PAK5: variants seen among roughly 807,000 people sequenced by gnomAD.
PAK5 encodes serine/threonine-protein kinase PAK 5.
In PAK5, 16 loss-of-function variants were observed where a neutral mutation model predicts 65.9. The observed-to-expected ratio is 0.24, with a 90% CI of 0.16 to 0.37. The LOEUF (loss-of-function observed/expected upper bound fraction) is 0.37. PAK5 is among the 10% of genes least tolerant of loss of function. PAK5 has a pLI of 1.00. For missense variants in PAK5, 785 were observed against 903.9 expected (o/e 0.87, Z 1.69); for synonymous variants, 371 against 354.9 (o/e 1.05, Z -0.51).
chr20:9,790,056 A>G (rs1045232692), intron 1 of PAK5, among the ~76,000 whole-genome samples: 38 of 152,284 alleles, frequency 2.5e-4, no homozygotes, highest in African/African-American at 9.1e-4. Context: ...ATTCTCCAGC[A>G]TCATCTACCC....
At chr20:9,602,120 G>A (rs2046371066) in intron 3 of PAK5, among the ~76,000 whole-genome samples, 1 of 151,624 alleles carries the variant, frequency 6.6e-6, no homozygotes, top group African/African-American at 2.4e-5. Context: ...GTGAAACCCC[G>A]TCTTTACTAA....
At chr20:9,646,153 C>T (rs1331986616) in intron 2 of PAK5, among the ~76,000 whole-genome samples, 2 of 152,214 alleles carry the variant, frequency 1.3e-5, no homozygotes, top group East Asian at 3.8e-4. Flanking sequence ...CTCTCACTCT[C>T]CCTTCTTTAC....
intron 1 of PAK5, among the ~76,000 whole-genome samples, chr20:9,718,447 A>ACAAT: frequency 2.0e-5 from 3 of 152,120 alleles, no homozygotes; most frequent in African/African-American, 7.2e-5. Flanking sequence ...TGTGAGTAGC[A>ACAAT]GGTTTGATAC....
intron 1 of PAK5, among the ~76,000 whole-genome samples, chr20:9,759,829 A>T (rs187464426): frequency 5.6e-4 from 85 of 152,304 alleles, no homozygotes; most frequent in African/African-American, 2.0e-3. Context: ...ATAAGACACC[A>T]GCAGACTATT....
intron 3 of PAK5, among the ~76,000 whole-genome samples, chr20:9,641,950 C>CG (rs1442829506): frequency 6.6e-6 from 1 of 151,828 alleles, no homozygotes; most frequent in Non-Finnish European, 1.5e-5. Context: ...CATGCAGCCC[C>CG]GGTTCCCACT....
chr20:9,800,821 A>G (rs377735942), intron 1 of PAK5, among the ~76,000 whole-genome samples: 1 of 151,810 alleles, frequency 6.6e-6, no homozygotes, highest in African/African-American at 2.4e-5. Context: ...CTCATCTACA[A>G]ATCTCCCCCA....
At chr20:9,837,548 T>C (rs1213115670) in intron 1 of PAK5, among the ~76,000 whole-genome samples, 1 of 152,220 alleles carries the variant, frequency 6.6e-6, no homozygotes, top group African/African-American at 2.4e-5. Context: ...GATACACAAA[T>C]CTAAGGTGGC....
intron 3 of PAK5, among the ~76,000 whole-genome samples, chr20:9,632,446 T>G (rs1470348610): frequency 6.6e-6 from 1 of 152,208 alleles, no homozygotes; most frequent in Non-Finnish European, 1.5e-5. Flanking sequence ...TATTTAAATA[T>G]TCTGCCTAAC....
chr20:9,580,277 G>A lies in PAK5; in HGVS notation c.858C>T (p.Ser286=). The A allele has an allele frequency of 6.2e-7, 1 of 1,614,130 alleles. No homozygotes were observed. The highest frequency in any genetic ancestry group is 8.5e-7 in the Non-Finnish European group (1 of 1,180,018). The change falls in exon 4 of 10, where the codon TCC becomes TCT. Residue 286 remains serine, a synonymous_variant. Coordinates refer to ENST00000353224, the MANE Select transcript of PAK5 (RefSeq NM_177990.4). ...TSPQPTMRQR[S]RSGSGLQEPM... ...GTTCCTGGAGTCCCGAGCCTGACCT[G>A]GACCTCTGCCGCATGGTGGGCTGAG...
intron 5 of PAK5, among the ~76,000 whole-genome samples, chr20:9,564,853 A>C (rs376307152): frequency 2.6e-5 from 4 of 152,206 alleles, no homozygotes. Flanking sequence ...GTGTTTTGAC[A>C]TGTAGCTAAT....
chr20:9,539,373 A>G lies in PAK5; in HGVS notation c.*89T>C. The G allele has an allele frequency of 7.7e-7, 1 of 1,300,430 alleles. No homozygotes were observed. The highest frequency in any genetic ancestry group is 1.1e-6 in the Non-Finnish European group (1 of 911,290). 80.6% of individuals were successfully genotyped at this position (1,300,430 alleles called of 1,614,324 possible). A position where few individuals can be genotyped will look rare whatever the true frequency, so the allele number is the denominator to read the frequency against. On this transcript the variant is annotated 3_prime_UTR_variant, in exon 10 of 10. Transcript: ENST00000353224. ...ACCAATTGGCTGGTCTAGAATGCACAGGCCTTTTGCATGTTCTGTGTTTCC... is the reference window on the plus strand; with the variant it reads ...ACCAATTGGCTGGTCTAGAATGCACGGGCCTTTTGCATGTTCTGTGTTTCC...
At chr20:9,832,334 G>C (rs1454550295) in intron 1 of PAK5, among the ~76,000 whole-genome samples, 1 of 151,916 alleles carries the variant, frequency 6.6e-6, no homozygotes, top group East Asian at 1.9e-4. Flanking sequence ...GTGCAGTAAC[G>C]CGATCTCGGC....
chr20:9,786,237 G>T (rs186219756), intron 1 of PAK5, among the ~76,000 whole-genome samples: 1 of 152,010 alleles, frequency 6.6e-6, no homozygotes, highest in Non-Finnish European at 1.5e-5. Context: ...TGGAAGGGAG[G>T]CTGGGAAGTT....
intron 3 of PAK5, among the ~76,000 whole-genome samples, chr20:9,622,552 A>G (rs1435437975): frequency 6.6e-6 from 1 of 152,248 alleles, no homozygotes; most frequent in East Asian, 1.9e-4. Context: ...TCATGGACCC[A>G]TACCCGGAGT....
In PAK5 at chr20:9,580,303, G is replaced by C. The variant is rs2045954894; in HGVS notation, c.832C>G (p.Pro278Ala). The C allele has an allele frequency of 6.2e-7, 1 of 1,614,106 alleles. No homozygotes were observed. The highest frequency in any genetic ancestry group is 1.1e-5 in the South Asian group (1 of 91,080). The change falls in exon 4 of 10, where the codon CCT (proline) becomes GCT (alanine). Residue 278 changes from proline (P) to alanine (A), a missense_variant. Around this residue, in one of 4 missense-constraint regions of PAK5, gnomAD observed 422 missense variants for 413.3 expected, o/e 1.02. Transcript: ENST00000353224. ...PKSSYLNQTS[P>A]QPTMRQRSRS... is the part of the protein sequence containing the mutation. Reference sequence around the variant, plus strand: ...GACCTCTGCCGCATGGTGGGCTGAGGGCTTGTCTGATTCAGGTACGAAGAC... The same window carrying C: ...GACCTCTGCCGCATGGTGGGCTGAGCGCTTGTCTGATTCAGGTACGAAGAC...
chr20:9,701,513 T>C (rs771545523), intron 2 of PAK5, among the ~76,000 whole-genome samples: 1 of 152,148 alleles, frequency 6.6e-6, no homozygotes, highest in Non-Finnish European at 1.5e-5. Flanking sequence ...CTCTGATTCA[T>C]TCAATTAAAG....
chr20:9,795,197 C>T (rs1341653734), intron 1 of PAK5, among the ~76,000 whole-genome samples: 1 of 152,040 alleles, frequency 6.6e-6, no homozygotes, highest in Non-Finnish European at 1.5e-5. Context: ...GATTGAGTAT[C>T]CTGTTTCCTA....
intron 2 of PAK5, among the ~76,000 whole-genome samples, chr20:9,674,287 G>C (rs2423409): frequency 0.056 from 8,466 of 152,010 alleles, 240 homozygotes; most frequent in South Asian, 0.083. Context: ...CTAACCAAGA[G>C]AGTCTCTGAT....
chr20:9,632,134 G>C (rs978849565), intron 3 of PAK5, among the ~76,000 whole-genome samples: 3 of 152,184 alleles, frequency 2.0e-5, no homozygotes, highest in Non-Finnish European at 4.4e-5. Flanking sequence ...ACTGCTGGGA[G>C]AGAAGAGCTG....
Sources: allele counts gnomAD v4.1 joint callset (sites outside exome capture counted in the v4.1 genomes callset), GRCh38; gene constraint gnomAD v4.1.1; regional missense constraint gnomAD v4.1.1; transcripts MANE v1.5; gene names NCBI Gene and HGNC (gene_info 2026-07-23, HGNC 2026-07-21).